UGT8: variants seen among roughly 807,000 people sequenced by gnomAD.
UGT8 encodes the protein UDP glycosyltransferase 8, also known as 2-hydroxyacylsphingosine 1-beta-galactosyltransferase.
UGT8 carries 12 observed loss-of-function variants against 40.5 expected under a neutral mutation model. The ratio of observed to expected loss-of-function variants is 0.30; its 90% CI spans 0.19 to 0.48. The LOEUF (loss-of-function observed/expected upper bound fraction) is 0.48. Ranked by LOEUF, UGT8 falls within the 20% of genes least tolerant of loss-of-function variation. The pLI is 0.99. For missense variants in UGT8, 513 were observed against 648.7 expected (o/e 0.79, Z 2.27); for synonymous variants, 224 against 240.4 (o/e 0.93, Z 0.63).
chr4:114,646,385 C>CTA (rs890122307), intron 2 of UGT8, among the ~76,000 whole-genome samples: 11 of 150,976 alleles, frequency 7.3e-5, no homozygotes, highest in South Asian at 2.1e-4. Context: ...ATATCTATAT[C>CTA]TATATATATA....
chr4:114,643,737 T>TA (rs1337381855), intron 2 of UGT8, among the ~76,000 whole-genome samples: 1 of 152,092 alleles, frequency 6.6e-6, no homozygotes, highest in East Asian at 1.9e-4. Flanking sequence ...ACATAAGAGT[T>TA]AGAGAAAGGG....
chr4:114,675,828 GTTGTT>G (rs1735602920), intron 5 of UGT8, 92 bp from the exon 6 acceptor site: 4 of 1,366,858 alleles, frequency 2.9e-6, no homozygotes, highest in South Asian at 3.0e-5. Context: ...CTAAAGAATA[GTTGTT>G]TTAATTATTT....
intron 2 of UGT8, among the ~76,000 whole-genome samples, chr4:114,641,484 T>G (rs1409283311): frequency 6.6e-6 from 1 of 152,126 alleles, no homozygotes; most frequent in East Asian, 1.9e-4. Flanking sequence ...ACCTAGAAAA[T>G]TTTCATAATA....
chr4:114,607,745 TTATATC>T lies in UGT8; in HGVS notation c.-3+8774_-3+8779del, dbSNP rs1730818931. Among the ~76,000 whole-genome samples, 5 of 152,144 alleles carry T rather than the reference TTATATC, an allele frequency of 3.3e-5. 1 individual carries two copies. The South Asian group carries it at 1.0e-3, about 32-fold the overall frequency. On this transcript the variant is annotated intron_variant, in intron 1 of 5. Coordinates refer to ENST00000310836, the MANE Select transcript of UGT8 (RefSeq NM_001128174.3). ...GTTGTGGAATTCACTTTTTTACCCT[TTATATC>T]TAATCTATTCCTAATTGATCACTAT...
chr4:114,661,921 C>T (rs770591558), intron 2 of UGT8, among the ~76,000 whole-genome samples: 3 of 152,014 alleles, frequency 2.0e-5, no homozygotes, highest in Non-Finnish European at 4.4e-5. Context: ...ATGATTTTAC[C>T]GTGTAGCATT....
chr4:114,622,752 G>C, intron 1 of UGT8, 127 bp from the exon 2 acceptor site: 1 of 770,066 alleles, frequency 1.3e-6, no homozygotes. Context: ...AGAAGTGTCT[G>C]TTCATGATTT....
chr4:114,633,123 A>G (rs569918016), intron 2 of UGT8, among the ~76,000 whole-genome samples: 13 of 152,198 alleles, frequency 8.5e-5, no homozygotes, highest in Non-Finnish European at 1.8e-4. Flanking sequence ...GCCACACTTA[A>G]AAAGGATAGA....
At chr4:114,635,333 AG>A (rs1300759915) in intron 2 of UGT8, among the ~76,000 whole-genome samples, 1 of 152,004 alleles carries the variant, frequency 6.6e-6, no homozygotes, top group African/African-American at 2.4e-5. Context: ...CCTGGGTGAC[AG>A]AGTGAGATTC....
chr4:114,612,792 C>T (rs1439990014), intron 1 of UGT8, among the ~76,000 whole-genome samples: 2 of 152,114 alleles, frequency 1.3e-5, no homozygotes, highest in Admixed American at 6.5e-5. Flanking sequence ...CCCTACCCTA[C>T]GTCTACTGAA....
chr4:114,662,363 C>T (rs966911481), intron 2 of UGT8, among the ~76,000 whole-genome samples: 2 of 152,170 alleles, frequency 1.3e-5, no homozygotes, highest in Non-Finnish European at 2.9e-5. Flanking sequence ...GTCACTGTCC[C>T]AGGCATGTGA....
Position 114,623,228 on chromosome 4 carries a change from G to T in UGT8, c.348G>T (p.Leu116=). The change falls in exon 2 of 6, where the codon CTG becomes CTT. Residue 116 remains leucine (L), a synonymous_variant. Transcript: ENST00000310836. ...ILDHYTKNCD[L]MVGNHALIQG... ...ATCACTATACTAAGAACTGTGACCT[G>T]ATGGTTGGCAACCATGCCCTGATCC... The T allele has an allele frequency of 5.0e-6, 8 of 1,614,192 alleles. No homozygotes were observed. The highest frequency in any genetic ancestry group is 6.8e-6 in the Non-Finnish European group (8 of 1,180,026).
intron 2 of UGT8, among the ~76,000 whole-genome samples, chr4:114,651,697 G>A (rs1733905605): frequency 6.6e-6 from 1 of 152,064 alleles, no homozygotes; most frequent in Non-Finnish European, 1.5e-5. Context: ...AGGACCTTAA[G>A]TTATCTTCCA....
intron 2 of UGT8, among the ~76,000 whole-genome samples, chr4:114,662,111 A>G (rs533641695): frequency 6.6e-6 from 1 of 152,360 alleles, no homozygotes; most frequent in African/African-American, 2.4e-5. Flanking sequence ...TTATATACAT[A>G]TGTTCTTTGA....
At chr4:114,639,176 CCAAATGGAAATAAAGAATAG>C (rs1733062736) in intron 2 of UGT8, among the ~76,000 whole-genome samples, 1 of 152,102 alleles carries the variant, frequency 6.6e-6, no homozygotes, top group African/African-American at 2.4e-5. Flanking sequence ...GAAAGAACAC[CCAAATGGAAATAAAGAATAG>C]CAGTCTCTGA....
At chr4:114,627,457 A>G (rs564015722) in intron 2 of UGT8, among the ~76,000 whole-genome samples, 5 of 151,800 alleles carry the variant, frequency 3.3e-5, no homozygotes, top group Non-Finnish European at 5.9e-5. Flanking sequence ...ATGGAGTTTC[A>G]CCGTGTTAGC....
intron 2 of UGT8, among the ~76,000 whole-genome samples, chr4:114,630,393 G>T (rs944855806): frequency 1.3e-5 from 2 of 152,176 alleles, no homozygotes; most frequent in Non-Finnish European, 2.9e-5. Context: ...TGGTATATGA[G>T]AGCCACGACA....
In UGT8 at chr4:114,668,092, A is replaced by G. The variant is rs1560709386; in HGVS notation, c.1050A>G (p.Ser350=). 4 of 1,613,254 alleles carry G rather than the reference A, an allele frequency of 2.5e-6. No individual in the cohort carries two copies. Among genetic ancestry groups the G allele is most frequent in the Non-Finnish European group, 3.4e-6 (4 of 1,179,500 alleles). ...WLPQNDLLGH[S]KIKAFLSHGG... ...TTTTTCATCTTTCTTCAGGGCATTCAAAGATTAAAGCCTTCCTGAGCCATG... is the reference window on the plus strand; with the variant it reads ...TTTTTCATCTTTCTTCAGGGCATTCGAAGATTAAAGCCTTCCTGAGCCATG... The change falls in exon 5 of 6, where the codon TCA becomes TCG. Residue 350 remains serine, a synonymous_variant. Coordinates refer to ENST00000310836, the MANE Select transcript of UGT8 (RefSeq NM_001128174.3).
At chr4:114,630,401 A>G (rs1275092695) in intron 2 of UGT8, among the ~76,000 whole-genome samples, 1 of 152,242 alleles carries the variant, frequency 6.6e-6, no homozygotes, top group Non-Finnish European at 1.5e-5. Context: ...GAGAGCCACG[A>G]CAATACCTGG....
At chr4:114,658,883 A>C (rs1734349805) in intron 2 of UGT8, among the ~76,000 whole-genome samples, 2 of 152,078 alleles carry the variant, frequency 1.3e-5, no homozygotes, top group African/African-American at 4.8e-5. Flanking sequence ...AAATAATGAA[A>C]ATTTTATACT....
Sources: allele counts gnomAD v4.1 joint callset (sites outside exome capture counted in the v4.1 genomes callset), GRCh38; gene constraint gnomAD v4.1.1; transcripts MANE v1.5; gene names NCBI Gene and HGNC (gene_info 2026-07-23, HGNC 2026-07-21).